PLOD2: variants seen among roughly 807,000 people sequenced by gnomAD.
PLOD2 encodes procollagen-lysine,2-oxoglutarate 5-dioxygenase 2, also known as lysine hydroxylase 2.
PLOD2 carries 65 observed loss-of-function variants against 101.0 expected under a neutral mutation model. The ratio of observed to expected loss-of-function variants is 0.64; its 90% CI spans 0.53 to 0.79. The LOEUF (loss-of-function observed/expected upper bound fraction) is 0.79. Among genes scored for constraint, PLOD2 ranks in the 30% least tolerant of loss-of-function variants. The pLI, the probability that PLOD2 is intolerant of heterozygous loss-of-function variation, is 0.00. For missense variants in PLOD2, 909 were observed against 914.6 expected (o/e 0.99, Z 0.08); for synonymous variants, 314 against 302.9 (o/e 1.04, Z -0.38).
At chr3:146,074,121 C>A (rs750334829) in intron 15 of PLOD2, among the ~76,000 whole-genome samples, 2 of 151,460 alleles carry the variant, frequency 1.3e-5, no homozygotes, top group Non-Finnish European at 3.0e-5. Flanking sequence ...AATCCACACA[C>A]AAAGATATCT....
intron 3 of PLOD2, among the ~76,000 whole-genome samples, chr3:146,116,325 G>T (rs1937905047): frequency 6.6e-6 from 1 of 151,840 alleles, no homozygotes; most frequent in Admixed American, 6.6e-5. Context: ...TTGCACAACA[G>T]ATTATGATAA....
At chr3:146,113,256 T>A (rs1937733207) in intron 3 of PLOD2, among the ~76,000 whole-genome samples, 1 of 152,210 alleles carries the variant, frequency 6.6e-6, no homozygotes, top group Non-Finnish European at 1.5e-5. Context: ...TTCACGTTGC[T>A]GAAACCTTTC....
At chr3:146,159,597 T>C (rs193283966) in intron 1 of PLOD2, among the ~76,000 whole-genome samples, 61 of 152,344 alleles carry the variant, frequency 4.0e-4, no homozygotes, top group African/African-American at 1.5e-3. Flanking sequence ...ACTTCCAAAT[T>C]TGCTGAAAGT....
chr3:146,081,779 T>C lies in PLOD2; in HGVS notation c.1317A>G (p.Ala439=). The C allele has an allele frequency of 2.5e-6, 4 of 1,610,290 alleles. No homozygotes were observed. The highest frequency in any genetic ancestry group is 3.4e-6 in the Non-Finnish European group (4 of 1,176,664). ...CAATATCCACATAATCTTCAGATCG[T>C]GCATAGTATCCATCAGGACTCAATG... ...WGALSPDGYY[A]RSEDYVDIVQ... is the part of the protein sequence containing the mutation. Residue 439 remains alanine, a synonymous_variant, in exon 12 of 20, where the codon GCA becomes GCG. Transcript: ENST00000282903.
chr3:146,111,472 A>G (rs544186952), intron 3 of PLOD2, among the ~76,000 whole-genome samples: 2 of 152,272 alleles, frequency 1.3e-5, no homozygotes, highest in Admixed American at 6.5e-5. Context: ...AGTAGTATCT[A>G]TATCCTCAAG....
In PLOD2 at chr3:146,075,727, G is replaced by T. The variant is rs76667463; in HGVS notation, c.1677+1055C>A. Among the ~76,000 whole-genome samples, 995 of 151,536 alleles carry T rather than the reference G, an allele frequency of 6.6e-3. 29 individuals carry two copies. In the East Asian group the frequency reaches 0.076, roughly 12 times the overall value. On this transcript the variant is annotated intron_variant, in intron 15 of 19. Transcript: ENST00000282903. ...TAATATGTGAACTATTTGTAAACAT[G>T]TTTCTAAAATTGTGATTAAAACTGG...
In PLOD2 at chr3:146,072,615, A is replaced by G; in HGVS notation, c.1794T>C (p.Asp598=). The G allele has an allele frequency of 6.2e-7, 1 of 1,610,852 alleles. No homozygotes were observed. Among genetic ancestry groups the G allele is most frequent in the Non-Finnish European group, 8.5e-7 (1 of 1,177,734 alleles). The change falls in exon 17 of 20, where the codon GAT becomes GAC. Residue 598 remains aspartate, a synonymous_variant. Coordinates refer to ENST00000282903, the MANE Select transcript of PLOD2 (RefSeq NM_182943.3). ...AATGTTCCATTTCTTCTACCAATTCATCACAGGCTTTTTCAGAAAATATGG... is the reference window on the plus strand; with the variant it reads ...AATGTTCCATTTCTTCTACCAATTCGTCACAGGCTTTTTCAGAAAATATGG... ...WFPIFSEKAC[D]ELVEEMEHYG...
chr3:146,105,557 G>A (rs1030530488), intron 5 of PLOD2, among the ~76,000 whole-genome samples: 8 of 152,090 alleles, frequency 5.3e-5, no homozygotes, highest in African/African-American at 1.9e-4. Flanking sequence ...GGTATCACAG[G>A]TAATTTTCAA....
intron 16 of PLOD2, 77 bp downstream of exon 16, chr3:146,073,210 G>A (rs1447339537): frequency 1.8e-5 from 11 of 606,174 alleles, no homozygotes; most frequent in Middle Eastern, 2.9e-4. Flanking sequence ...CACATCTTCT[G>A]TGAAAGTAGT....
intron 8 of PLOD2, among the ~76,000 whole-genome samples, chr3:146,091,245 C>T (rs937327062): frequency 2.0e-5 from 3 of 151,820 alleles, no homozygotes; most frequent in African/African-American, 7.2e-5. Flanking sequence ...ATCCCAACTC[C>T]AACACTTAAA....
At chr3:146,134,805 T>G (rs960718809) in intron 1 of PLOD2, among the ~76,000 whole-genome samples, 2 of 152,208 alleles carry the variant, frequency 1.3e-5, no homozygotes, top group African/African-American at 4.8e-5. Context: ...AGGCTTATGC[T>G]TAGGCAAGCC....
At chr3:146,090,108 T>C (rs1284584694) in intron 8 of PLOD2, among the ~76,000 whole-genome samples, 2 of 151,020 alleles carry the variant, frequency 1.3e-5, no homozygotes, top group African/African-American at 2.4e-5. Context: ...ATATCATTTA[T>C]ATATTTGTTA....
At chr3:146,126,992 C>T (rs1012764964) in intron 1 of PLOD2, among the ~76,000 whole-genome samples, 1 of 151,992 alleles carries the variant, frequency 6.6e-6, no homozygotes, top group Non-Finnish European at 1.5e-5. Context: ...GTTTAAAAAT[C>T]CCTATAATTA....
intron 1 of PLOD2, among the ~76,000 whole-genome samples, chr3:146,128,441 C>T (rs1195873809): frequency 1.3e-5 from 2 of 152,134 alleles, no homozygotes; most frequent in African/African-American, 4.8e-5. Context: ...ACAGGTGATG[C>T]ATCTATACAG....
intron 10 of PLOD2, 50 bp downstream of exon 10, chr3:146,086,737 C>T (rs3804668): frequency 8.1e-6 from 10 of 1,234,446 alleles, no homozygotes; most frequent in South Asian, 4.9e-5. Flanking sequence ...TTTTTCTTAA[C>T]GTTTCCTTAG....
At chr3:146,091,283 C>G (rs1168928029) in intron 8 of PLOD2, among the ~76,000 whole-genome samples, 2 of 151,846 alleles carry the variant, frequency 1.3e-5, no homozygotes, top group African/African-American at 4.8e-5. Flanking sequence ...ACGTTACTTA[C>G]ATTTATGCAC....
In PLOD2 at chr3:146,110,312, T is replaced by A. The variant is rs768122346; in HGVS notation, c.475A>T (p.Ile159Phe). The A allele has an allele frequency of 3.5e-5, 57 of 1,613,784 alleles. No individual in the cohort carries two copies. Among genetic ancestry groups the A allele is most frequent in the South Asian group, 2.7e-4 (25 of 91,082 alleles). Residue 159 changes from isoleucine to phenylalanine, a missense_variant, in exon 4 of 20, where the codon ATT (isoleucine) becomes TTT (phenylalanine). Physicochemically the swap from Ile to Phe is conservative, Grantham distance 21. Coordinates refer to ENST00000282903, the MANE Select transcript of PLOD2 (RefSeq NM_182943.3). ...CCTGAATTCAGATAGCGTTTCCCAATGTGCACAACAGGATACTTGTCTGCT... is the reference window on the plus strand; with the variant it reads ...CCTGAATTCAGATAGCGTTTCCCAAAGTGCACAACAGGATACTTGTCTGCT... Reference protein sequence around the residue: ...RLADKYPVVHIGKRYLNSGGF... With the variant: ...RLADKYPVVHFGKRYLNSGGF...
intron 7 of PLOD2, among the ~76,000 whole-genome samples, chr3:146,096,881 G>GGA (rs1324102405): frequency 1.4e-5 from 1 of 72,282 alleles, no homozygotes; most frequent in African/African-American, 6.0e-5. Context: ...GGAGGGAGGT[G>GGA]GGGGGGGGGA....
Position 146,079,251 on chromosome 3 carries a change from T to C in PLOD2, c.1365A>G (p.Val455=). The stretch of plus-strand genomic sequence containing the variant: ...CATTAGCCATATATGGGACATTCCA[T>C]ACTCCTCTGAAAGTAAAGAGAAGAC... ...VDIVQGNRVG[V]WNVPYMANVY... is the part of the protein sequence containing the mutation. Residue 455 remains valine (V), a synonymous_variant, in exon 13 of 20, where the codon GTA becomes GTG. Coordinates refer to ENST00000282903, the MANE Select transcript of PLOD2 (RefSeq NM_182943.3). The C allele has an allele frequency of 6.2e-7, 1 of 1,604,154 alleles. No homozygotes were observed. Among genetic ancestry groups the C allele is most frequent in the Non-Finnish European group, 8.5e-7 (1 of 1,171,372 alleles).
Sources: gnomAD v4.1 joint callset for allele counts (sites outside exome capture counted in the v4.1 genomes callset) on GRCh38, gnomAD v4.1.1 for gene constraint, MANE v1.5 for transcripts, NCBI Gene and HGNC (gene_info 2026-07-23, HGNC 2026-07-21) for gene names.